The following DPYD variants were observed in gnomAD, a reference collection of about 807,000 sequenced individuals.
DPYD encodes the protein dihydropyrimidine dehydrogenase.
In DPYD, 109 loss-of-function variants were observed where a neutral mutation model predicts 116.2. That is an observed-to-expected ratio of 0.94 (90% CI 0.80 to 1.10). The LOEUF is 1.10. Among genes scored for constraint, DPYD ranks in the 50% least tolerant of loss-of-function variants. The probability of loss-of-function intolerance (pLI) is 0.00; values close to 1 mark genes in which losing one functional copy is unlikely to be tolerated. For synonymous variants in DPYD, 440 were observed against 432.0 expected (o/e 1.02, Z -0.23); for missense variants, 1,302 against 1,254.5 (o/e 1.04, Z -0.57).
Position 97,078,877 on chromosome 1 carries a change from G to C in DPYD, c.*99C>G. Reference sequence around the variant, plus strand: ...ATTTTTATTTAGAAAATGTATATTTGTTTTAATTTGGAAAGAGCTGAACAC... The same window carrying C: ...ATTTTTATTTAGAAAATGTATATTTCTTTTAATTTGGAAAGAGCTGAACAC... On this transcript the variant is annotated 3_prime_UTR_variant, in exon 23 of 23. Transcript: ENST00000370192. 1 of 1,366,852 alleles carries C rather than the reference G, an allele frequency of 7.3e-7. No homozygotes were observed. The highest frequency in any genetic ancestry group is 1.0e-6 in the Non-Finnish European group (1 of 959,842). The allele number at this position is 1,366,852 out of a possible 1,614,324, so 84.7% of individuals were successfully genotyped here.
At chr1:97,662,970 T>C (rs1006985726) in intron 8 of DPYD, among the ~76,000 whole-genome samples, 4 of 152,202 alleles carry the variant, frequency 2.6e-5, no homozygotes, top group Admixed American at 1.3e-4. Context: ...ATCTCGTCAA[T>C]GCCATGGCAT....
intron 3 of DPYD, among the ~76,000 whole-genome samples, chr1:97,786,690 G>A (rs1253666166): frequency 6.6e-6 from 1 of 152,188 alleles, no homozygotes; most frequent in African/African-American, 2.4e-5. Flanking sequence ...TTTTTAGGCT[G>A]AAGAGTGTGA....
intron 11 of DPYD, among the ~76,000 whole-genome samples, chr1:97,564,938 C>T (rs781388404): frequency 4.6e-5 from 7 of 152,076 alleles, no homozygotes; most frequent in Non-Finnish European, 1.0e-4. Context: ...ATTTGTATAA[C>T]AGTCAGGGTG....
intron 2 of DPYD, among the ~76,000 whole-genome samples, chr1:97,877,785 A>T (rs1162076492): frequency 6.6e-6 from 1 of 151,980 alleles, no homozygotes; most frequent in Non-Finnish European, 1.5e-5. Flanking sequence ...TCATATTGTG[A>T]ATTTGATATG....
chr1:97,604,967 C>T (rs762647983), intron 8 of DPYD, among the ~76,000 whole-genome samples: 1 of 152,014 alleles, frequency 6.6e-6, no homozygotes, highest in African/African-American at 2.4e-5. Context: ...ATGACATTCT[C>T]CTAGGATCCT....
chr1:97,382,119 C>A (rs947591051), intron 15 of DPYD, among the ~76,000 whole-genome samples: 2 of 152,048 alleles, frequency 1.3e-5, no homozygotes, highest in Non-Finnish European at 2.9e-5. Flanking sequence ...GCTTAACATG[C>A]AAATAAAGAG....
chr1:97,287,643 C>T (rs1665800901), intron 18 of DPYD, among the ~76,000 whole-genome samples: 1 of 152,166 alleles, frequency 6.6e-6, no homozygotes, highest in Admixed American at 6.5e-5. Flanking sequence ...GCGAGCACCC[C>T]TCCCCCAGCC....
At chr1:97,791,998 A>G (rs761827718) in intron 3 of DPYD, among the ~76,000 whole-genome samples, 1 of 152,222 alleles carries the variant, frequency 6.6e-6, no homozygotes, top group Non-Finnish European at 1.5e-5. Flanking sequence ...ACAAAAAAAA[A>G]CTATATTTTT....
intron 16 of DPYD, 115 bp from the exon 17 acceptor site, chr1:97,306,412 C>A (rs1031134186): frequency 1.8e-5 from 24 of 1,346,856 alleles, no homozygotes; most frequent in Non-Finnish European, 2.3e-5. Context: ...TGACAATGAG[C>A]TACATGATAT....
chr1:97,556,755 T>C (rs1386210386), intron 11 of DPYD, among the ~76,000 whole-genome samples: 2 of 150,630 alleles, frequency 1.3e-5, no homozygotes, highest in East Asian at 2.0e-4. Context: ...CAGTCTATCA[T>C]TGTTGGACAT....
At chr1:97,771,975 T>A (rs1452761064) in intron 3 of DPYD, among the ~76,000 whole-genome samples, 1 of 152,182 alleles carries the variant, frequency 6.6e-6, no homozygotes, top group South Asian at 2.1e-4. Flanking sequence ...CTATAAAATT[T>A]AGTAAGTAGA....
intron 3 of DPYD, among the ~76,000 whole-genome samples, chr1:97,757,038 T>C (rs1262416054): frequency 1.3e-5 from 2 of 152,156 alleles, no homozygotes; most frequent in Non-Finnish European, 2.9e-5. Context: ...TTTCAAACTA[T>C]AATATAATTA....
At chr1:97,548,146 A>T (rs1167475057) in intron 12 of DPYD, among the ~76,000 whole-genome samples, 1 of 152,212 alleles carries the variant, frequency 6.6e-6, no homozygotes, top group Non-Finnish European at 1.5e-5. Context: ...CAAGAGTGGT[A>T]AAAAGGCATA....
At chr1:97,129,425 A>G (rs921458940) in intron 20 of DPYD, among the ~76,000 whole-genome samples, 1 of 152,092 alleles carries the variant, frequency 6.6e-6, no homozygotes, top group African/African-American at 2.4e-5. Context: ...CAGTTGCCTC[A>G]TATATTCCAT....
At chr1:97,844,597 G>C (rs1351880288) in intron 2 of DPYD, among the ~76,000 whole-genome samples, 1 of 152,182 alleles carries the variant, frequency 6.6e-6, no homozygotes, top group East Asian at 1.9e-4. Context: ...TGGAGTGGCT[G>C]CTGTGAAGAC....
intron 19 of DPYD, among the ~76,000 whole-genome samples, chr1:97,217,127 GA>G: frequency 6.6e-6 from 1 of 152,200 alleles, no homozygotes; most frequent in Non-Finnish European, 1.5e-5. Flanking sequence ...AGAATCGCTT[GA>G]ACACGGGAGG....
intron 2 of DPYD, among the ~76,000 whole-genome samples, chr1:97,878,905 T>C (rs762566021): frequency 3.9e-5 from 6 of 151,964 alleles, no homozygotes; most frequent in African/African-American, 1.2e-4. Flanking sequence ...ACAATAAATG[T>C]GAAACAAACG....
intron 19 of DPYD, among the ~76,000 whole-genome samples, chr1:97,202,464 C>T (rs1305211582): frequency 1.3e-5 from 2 of 152,220 alleles, no homozygotes; most frequent in African/African-American, 2.4e-5. Context: ...CCAAGATCAG[C>T]TAAAGACAGA....
intron 8 of DPYD, among the ~76,000 whole-genome samples, chr1:97,660,263 T>C (rs931120890): frequency 2.0e-5 from 3 of 152,116 alleles, no homozygotes; most frequent in Non-Finnish European, 4.4e-5. Flanking sequence ...TTATATATGC[T>C]TGAAGGGGTG....
Sources: gnomAD v4.1 joint callset for allele counts (sites outside exome capture counted in the v4.1 genomes callset) on GRCh38, gnomAD v4.1.1 for gene constraint, MANE v1.5 for transcripts, NCBI Gene and HGNC (gene_info 2026-07-23, HGNC 2026-07-21) for gene names.